Variants in POLDIP3 observed in about 807,000 individuals in gnomAD.
The protein encoded by POLDIP3 is DNA polymerase delta interacting protein 3.
In POLDIP3, 14 loss-of-function variants were observed where a neutral mutation model predicts 45.1. The observed-to-expected ratio is 0.31, with a 90% confidence interval of 0.20 to 0.49. The LOEUF (loss-of-function observed/expected upper bound fraction) is 0.49, where lower values mean the gene tolerates loss of function less well. Among genes scored for constraint, POLDIP3 ranks in the 20% least tolerant of loss-of-function variants. The pLI, the probability that POLDIP3 is intolerant of heterozygous loss-of-function variation, is 0.99. For missense variants in POLDIP3, 511 were observed against 538.8 expected (o/e 0.95, Z 0.51); for synonymous variants, 223 against 205.2 (o/e 1.09, Z -0.74).
At chr22:42,612,539 T>C (rs929363942) in intron 1 of POLDIP3, among the ~76,000 whole-genome samples, 4 of 152,190 alleles carry the variant, frequency 2.6e-5, no homozygotes, top group Non-Finnish European at 4.4e-5. Flanking sequence ...CTTTAAAACA[T>C]ACCTTCTGGC....
At chr22:42,604,733 C>T (rs1022453723) in intron 1 of POLDIP3, among the ~76,000 whole-genome samples, 1 of 152,146 alleles carries the variant, frequency 6.6e-6, no homozygotes, top group African/African-American at 2.4e-5. Context: ...TAAAAGCAAA[C>T]GTGGACCTTC....
chr22:42,605,965 A>T (rs1926698500), intron 1 of POLDIP3, among the ~76,000 whole-genome samples: 1 of 151,994 alleles, frequency 6.6e-6, no homozygotes, highest in African/African-American at 2.4e-5. Flanking sequence ...AACATGGTGA[A>T]ACCCCGTCCC....
chr22:42,614,525 C>A (rs573236083), intron 1 of POLDIP3, among the ~76,000 whole-genome samples: 7 of 152,156 alleles, frequency 4.6e-5, no homozygotes, highest in Admixed American at 3.3e-4. Context: ...ACGCGGGGGC[C>A]CCAGGGGGCA....
intron 6 of POLDIP3, among the ~76,000 whole-genome samples, chr22:42,594,309 G>A (rs1056330046): frequency 4.0e-5 from 6 of 151,288 alleles, no homozygotes; most frequent in South Asian, 2.1e-4. Context: ...TCACGAGTTC[G>A]AGACCAGCCT....
At chr22:42,596,081 G>A in intron 5 of POLDIP3, 105 bp downstream of exon 5, 1 of 1,268,724 alleles carries the variant, frequency 7.9e-7, no homozygotes, top group Admixed American at 2.0e-5. Flanking sequence ...TAGAATGGGG[G>A]TGGCAATGCC....
At chr22:42,613,207 T>C (rs911502848) in intron 1 of POLDIP3, among the ~76,000 whole-genome samples, 9 of 152,178 alleles carry the variant, frequency 5.9e-5, no homozygotes, top group Non-Finnish European at 1.0e-4. Flanking sequence ...GACTTAGAAG[T>C]GGCCAGAGGA....
intron 1 of POLDIP3, among the ~76,000 whole-genome samples, chr22:42,612,847 C>G (rs1927208508): frequency 6.6e-6 from 1 of 151,978 alleles, no homozygotes; most frequent in African/African-American, 2.4e-5. Context: ...CAAAAAAAAC[C>G]CTTCTCACAT....
intron 6 of POLDIP3, among the ~76,000 whole-genome samples, chr22:42,593,994 G>C (rs1232593195): frequency 6.6e-6 from 1 of 151,876 alleles, no homozygotes; most frequent in East Asian, 1.9e-4. Flanking sequence ...GGGCACAGTG[G>C]CTCACACCTG....
chr22:42,595,990 ATC>A (rs1244600431), intron 5 of POLDIP3, among the ~76,000 whole-genome samples, 194 bp downstream of exon 5: 1 of 152,064 alleles, frequency 6.6e-6, no homozygotes, highest in African/African-American at 2.4e-5. Flanking sequence ...AGATACCGCA[ATC>A]TCTCAGCAGG....
chr22:42,589,157 C>A (rs4822170), intron 7 of POLDIP3, among the ~76,000 whole-genome samples: 15,220 of 151,508 alleles, frequency 0.1, 963 homozygotes, highest in Admixed American at 0.17. Flanking sequence ...GCACAAAAAT[C>A]GCTTGAACCT....
At chr22:42,594,768 T>A (rs1196272050) in intron 6 of POLDIP3, among the ~76,000 whole-genome samples, 3 of 152,174 alleles carry the variant, frequency 2.0e-5, no homozygotes, top group African/African-American at 7.2e-5. Flanking sequence ...ATGACTGCCA[T>A]GGGTGGGACG....
At chr22:42,608,005 C>T (rs1926868964) in intron 1 of POLDIP3, among the ~76,000 whole-genome samples, 1 of 151,838 alleles carries the variant, frequency 6.6e-6, no homozygotes. Flanking sequence ...CAGCCACCAC[C>T]CCGTCTGGGA....
rs528936239 is a variant in POLDIP3, at chr22:42,605,601, G to C, written c.60-2441C>G. ...TCATTTATACAATTAATCAGATAAG[G>C]CTTAAGGTTTACTTGGCCATTCCTG... On this transcript the variant is annotated intron_variant, in intron 1 of 8. Transcript: ENST00000252115. 2.0e-5 allele frequency among the ~76,000 whole-genome samples: 3 copies of C among 152,226 alleles called. No homozygotes were observed. The South Asian group carries it at 6.2e-4, about 32-fold the overall frequency.
chr22:42,599,690 T>A lies in POLDIP3; in HGVS notation c.633+8A>T, dbSNP rs372140702. ...ACACGCAGTGTAAGAAAACATGAAA[T>A]GCCATACCATGTGGTGGAGAAAGCC... is the stretch of plus-strand genomic sequence containing the variant. On this transcript the variant is annotated splice_region_variant and intron_variant, in intron 4 of 8. Transcript: ENST00000252115. 53 of 1,581,836 alleles carry A rather than the reference T, an allele frequency of 3.4e-5. No homozygotes were observed. The Middle Eastern group carries it at 5.0e-4, about 15-fold the overall frequency.
At chr22:42,600,786 A>G (rs978309645) in intron 3 of POLDIP3, among the ~76,000 whole-genome samples, 1 of 152,138 alleles carries the variant, frequency 6.6e-6, no homozygotes, top group African/African-American at 2.4e-5. Flanking sequence ...CCTGACCAAC[A>G]TGGAGAAACA....
At chr22:42,594,717 C>G (rs761051506) in intron 6 of POLDIP3, among the ~76,000 whole-genome samples, 1 of 152,164 alleles carries the variant, frequency 6.6e-6, no homozygotes, top group Admixed American at 6.5e-5. Flanking sequence ...GTCCTAGCTG[C>G]ATCCAGAACC....
chr22:42,602,178 C>A, intron 2 of POLDIP3, 122 bp from the exon 3 acceptor site: 1 of 1,459,288 alleles, frequency 6.9e-7, no homozygotes, highest in Non-Finnish European at 9.4e-7. Flanking sequence ...AAAGGCACTA[C>A]AGAGGGCCTT....
chr22:42,609,365 G>A (rs940017610), intron 1 of POLDIP3, among the ~76,000 whole-genome samples: 1 of 152,214 alleles, frequency 6.6e-6, no homozygotes, highest in Non-Finnish European at 1.5e-5. Flanking sequence ...ATTCCGCGAG[G>A]TCCTGGCAAG....
intron 1 of POLDIP3, among the ~76,000 whole-genome samples, chr22:42,612,798 C>A (rs1307536249): frequency 6.6e-6 from 1 of 152,124 alleles, no homozygotes; most frequent in Non-Finnish European, 1.5e-5. Context: ...TGCACTCCAG[C>A]CTGAGCAATA....
Sources: gnomAD v4.1 joint callset for allele counts (sites outside exome capture counted in the v4.1 genomes callset) on GRCh38, gnomAD v4.1.1 for gene constraint, MANE v1.5 for transcripts, NCBI Gene and HGNC (gene_info 2026-07-23, HGNC 2026-07-21) for gene names.